TAFA5: variants seen among roughly 807,000 people sequenced by gnomAD.
TAFA5 encodes chemokine-like protein TAFA-5.
In TAFA5, 6 loss-of-function variants were observed where a neutral mutation model predicts 15.3. The observed-to-expected ratio is 0.39, with a 90% CI of 0.21 to 0.77. TAFA5 has a LOEUF of 0.77. TAFA5 is among the 30% of genes least tolerant of loss of function. TAFA5 has a pLI of 0.41. For synonymous variants in TAFA5, 103 were observed against 80.7 expected (o/e 1.28, Z -1.48); for missense variants, 161 against 193.1 (o/e 0.83, Z 0.98).
intron 1 of TAFA5, among the ~76,000 whole-genome samples, chr22:48,499,369 T>C (rs1218920263): frequency 6.6e-5 from 10 of 152,268 alleles, no homozygotes; most frequent in Non-Finnish European, 1.5e-4. Context: ...AGTGTGATTT[T>C]TGGAGATTTC....
chr22:48,597,324 A>G (rs1345620248), intron 1 of TAFA5, among the ~76,000 whole-genome samples: 3 of 147,444 alleles, frequency 2.0e-5, no homozygotes, highest in Admixed American at 6.7e-5. Context: ...GCTGGCTCAT[A>G]TGCAGAGTGT....
intron 3 of TAFA5, among the ~76,000 whole-genome samples, chr22:48,711,954 C>G (rs1160378298): frequency 6.6e-6 from 1 of 152,384 alleles, no homozygotes; most frequent in South Asian, 2.1e-4. Context: ...GCTGCTGCCC[C>G]GTCCCCTTGC....
At chr22:48,583,509 C>T (rs1048482505) in intron 1 of TAFA5, among the ~76,000 whole-genome samples, 1 of 145,396 alleles carries the variant, frequency 6.9e-6, no homozygotes, top group Non-Finnish European at 1.5e-5. Context: ...CACAGTGCAA[C>T]CAAACACAAA....
chr22:48,553,061 C>A (rs1477644074), intron 1 of TAFA5, among the ~76,000 whole-genome samples: 1 of 152,182 alleles, frequency 6.6e-6, no homozygotes, highest in East Asian at 1.9e-4. Context: ...TCTCCCACCA[C>A]CACACCCAGC....
chr22:48,557,388 T>C (rs980335093), intron 1 of TAFA5, among the ~76,000 whole-genome samples: 1 of 152,096 alleles, frequency 6.6e-6, no homozygotes, highest in Non-Finnish European at 1.5e-5. Flanking sequence ...AGGAAGCAGC[T>C]CTGCCCACAC....
chr22:48,691,347 T>C (rs1928535388), intron 2 of TAFA5, among the ~76,000 whole-genome samples: 1 of 152,254 alleles, frequency 6.6e-6, no homozygotes. Context: ...ATGCAGATTT[T>C]ACTTCACGTT....
chr22:48,678,007 C>G (rs1928029807), intron 2 of TAFA5, among the ~76,000 whole-genome samples: 1 of 152,090 alleles, frequency 6.6e-6, no homozygotes, highest in African/African-American at 2.4e-5. Context: ...TTCCTGCATC[C>G]CAAACCTTCC....
chr22:48,609,686 A>G (rs1331940041), intron 1 of TAFA5, among the ~76,000 whole-genome samples: 2 of 152,134 alleles, frequency 1.3e-5, no homozygotes, highest in African/African-American at 4.8e-5. Flanking sequence ...CAAGGACCAC[A>G]GGCCAGGCAG....
intron 1 of TAFA5, among the ~76,000 whole-genome samples, chr22:48,583,223 A>G (rs1362762108): frequency 1.3e-5 from 2 of 148,844 alleles, no homozygotes; most frequent in African/African-American, 5.0e-5. Flanking sequence ...CACACCACAT[A>G]CAAAATACAC....
intron 2 of TAFA5, among the ~76,000 whole-genome samples, chr22:48,705,846 G>A (rs766372716): frequency 6.6e-6 from 1 of 152,246 alleles, no homozygotes; most frequent in Non-Finnish European, 1.5e-5. Flanking sequence ...TTCCTATGGC[G>A]AGGAATCTTG....
chr22:48,562,617 G>A (rs962573670), intron 1 of TAFA5, among the ~76,000 whole-genome samples: 87 of 152,270 alleles, frequency 5.7e-4, no homozygotes, highest in Non-Finnish European at 1.5e-4. Context: ...GGGGACCCCC[G>A]GGGCCCGGTC....
At chr22:48,599,695 C>G (rs1466342816) in intron 1 of TAFA5, among the ~76,000 whole-genome samples, 1 of 152,256 alleles carries the variant, frequency 6.6e-6, no homozygotes, top group Non-Finnish European at 1.5e-5. Context: ...CATGGCTGGC[C>G]AGCCACACAG....
intron 1 of TAFA5, among the ~76,000 whole-genome samples, chr22:48,612,125 G>T (rs1393879950): frequency 6.6e-6 from 1 of 152,200 alleles, no homozygotes; most frequent in Non-Finnish European, 1.5e-5. Flanking sequence ...CTATGCAGGT[G>T]CAGGAGCCCT....
At chr22:48,640,585 G>A (rs1389608084) in intron 1 of TAFA5, among the ~76,000 whole-genome samples, 2 of 151,430 alleles carry the variant, frequency 1.3e-5, no homozygotes, top group Admixed American at 6.6e-5. Flanking sequence ...GTGATGAGAG[G>A]CGTTTACCCC....
intron 2 of TAFA5, among the ~76,000 whole-genome samples, chr22:48,652,990 G>A (rs1927109259): frequency 6.6e-6 from 1 of 152,232 alleles, no homozygotes; most frequent in Admixed American, 6.5e-5. Context: ...TTGTGGCACA[G>A]AAGCTGTGGG....
chr22:48,748,155 T>C (rs1164961781), intron 3 of TAFA5, among the ~76,000 whole-genome samples: 2 of 152,192 alleles, frequency 1.3e-5, no homozygotes, highest in African/African-American at 4.8e-5. Flanking sequence ...AAGCATCAGG[T>C]GCCCGCAGGT....
chr22:48,536,688 T>G (rs1056311616), intron 1 of TAFA5, among the ~76,000 whole-genome samples: 1 of 152,264 alleles, frequency 6.6e-6, no homozygotes, highest in African/African-American at 2.4e-5. Flanking sequence ...GGCTTCCGGC[T>G]CCCTGTGCCC....
intron 1 of TAFA5, among the ~76,000 whole-genome samples, chr22:48,603,235 C>G (rs1397836734): frequency 6.6e-6 from 1 of 152,350 alleles, no homozygotes; most frequent in South Asian, 2.1e-4. Context: ...ACTGCCTGTC[C>G]TCAGTTCCGG....
intron 1 of TAFA5, among the ~76,000 whole-genome samples, chr22:48,514,105 A>G (rs1166237445): frequency 1.3e-5 from 2 of 152,096 alleles, no homozygotes; most frequent in African/African-American, 4.8e-5. Context: ...GAAGGAGGTC[A>G]AGGCTAGTGT....
Sources: allele counts gnomAD v4.1 joint callset (sites outside exome capture counted in the v4.1 genomes callset), GRCh38; gene constraint gnomAD v4.1.1; transcripts MANE v1.5; gene names NCBI Gene and HGNC (gene_info 2026-07-23, HGNC 2026-07-21).